The following PCDHGB6 variants were observed in gnomAD, a reference collection of about 807,000 sequenced individuals.
PCDHGB6 encodes protocadherin gamma subfamily B, 6, also known as protocadherin gamma-B6.
In PCDHGB6, 51 loss-of-function variants were observed where a neutral mutation model predicts 59.1. That is an observed-to-expected ratio of 0.86 (90% CI 0.69 to 1.09). PCDHGB6 has a LOEUF of 1.09. Ranked by LOEUF, PCDHGB6 falls within the 50% of genes least tolerant of loss-of-function variation. PCDHGB6 has a pLI of 0.00. For missense variants in PCDHGB6, 1,148 were observed against 1,205.1 expected, an observed-to-expected ratio of 0.95 and a Z score of 0.70; for synonymous variants, 466 against 495.1, an observed-to-expected ratio of 0.94 and a Z score of 0.78.
chr5:141,478,259 T>A lies in PCDHGB6; in HGVS notation c.2419-16548T>A, dbSNP rs534973741. ...GGTCACAGTGTTCGGAGTAATCATA[T>A]TCAAAGTTTACAAGTGGAAGCAGTC... On this transcript the variant is annotated intron_variant, in intron 1 of 3. Transcript: ENST00000520790. 3.2e-5 allele frequency: 52 copies of A among 1,614,064 alleles called. No individual in the cohort carries two copies. The highest frequency in any genetic ancestry group is 4.4e-5 in the Non-Finnish European group (52 of 1,180,048).
intron 1 of PCDHGB6, among the ~76,000 whole-genome samples, chr5:141,470,152 T>C (rs546219809): frequency 2.6e-5 from 4 of 152,308 alleles, no homozygotes; most frequent in African/African-American, 9.6e-5. Context: ...ATAGATCATC[T>C]TATCAAATCA....
Position 141,485,243 on chromosome 5 carries a change from C to A in PCDHGB6, c.2419-9564C>A. ...TACCCTTTTGTTCCTCTTTTACCACCTGGGTTACGTTTGTGGGCAGATCCG... is the reference window on the plus strand; with the variant it reads ...TACCCTTTTGTTCCTCTTTTACCACATGGGTTACGTTTGTGGGCAGATCCG... On this transcript the variant is annotated intron_variant, in intron 1 of 3. Transcript: ENST00000520790. This position sits in a 1 kb window ranked among gnomAD's most constrained non-coding sequence, Gnocchi z 5.7. 1 of 1,614,180 alleles carries A rather than the reference C, an allele frequency of 6.2e-7. No homozygotes were observed. The highest frequency in any genetic ancestry group is 8.5e-7 in the Non-Finnish European group (1 of 1,180,000).
Position 141,491,248 on chromosome 5 carries a change from G to T in PCDHGB6, c.2419-3559G>T, listed in dbSNP as rs757712577. On this transcript the variant is annotated intron_variant, in intron 1 of 3. Transcript: ENST00000520790. The surrounding 1 kb of genome is among the most constrained non-coding windows in gnomAD (Gnocchi z 6.9). ...AGTGCTGCTGGTTCTGGAGGATGAG[G>T]ACCCTGAGGAAATGCCCAAATCCAG... 3 of 1,614,170 alleles carry T rather than the reference G, an allele frequency of 1.9e-6. No individual in the cohort carries two copies. Among genetic ancestry groups the T allele is most frequent in the Non-Finnish European group, 2.5e-6 (3 of 1,180,018 alleles).
chr5:141,433,164 A>G, intron 1 of PCDHGB6: 3 of 1,613,600 alleles, frequency 1.9e-6, no homozygotes, highest in Non-Finnish European at 2.5e-6. Context: ...TTTTCTAAAG[A>G]CAGTCATGGG....
intron 1 of PCDHGB6, chr5:141,414,536 C>T (rs2095757034): frequency 6.2e-7 from 1 of 1,613,976 alleles, no homozygotes; most frequent in African/African-American, 1.3e-5. Context: ...GACAACCCAC[C>T]TACCTTCTCT....
intron 1 of PCDHGB6, among the ~76,000 whole-genome samples, chr5:141,459,724 T>C (rs1440632046): frequency 6.6e-6 from 1 of 152,250 alleles, no homozygotes; most frequent in Non-Finnish European, 1.5e-5. Context: ...TGCTTCCTAT[T>C]GTCAATTTTT....
At position 141,415,039 on chromosome 5, in the gene PCDHGB6, G is replaced by T. The variant is rs761101620; in HGVS notation, c.2418+4419G>T. ...CAAGGCCAGCGAGCCGGGACTCTTC[G>T]CGGTGGGGGAGCACACGGGCGAGGT... On this transcript the variant is annotated intron_variant, in intron 1 of 3. Transcript: ENST00000520790. The T allele has an allele frequency of 3.1e-6, 5 of 1,613,342 alleles. No homozygotes were observed. The highest frequency in any genetic ancestry group is 3.4e-6 in the Non-Finnish European group (4 of 1,179,934).
At chr5:141,484,315 C>T (rs1172379949) in intron 1 of PCDHGB6, among the ~76,000 whole-genome samples, 2 of 152,326 alleles carry the variant, frequency 1.3e-5, no homozygotes, top group African/African-American at 4.8e-5. Context: ...ACCCCGCTTC[C>T]ATACTGTCCT....
intron 1 of PCDHGB6, among the ~76,000 whole-genome samples, chr5:141,434,054 C>T (rs1241950753): frequency 6.6e-6 from 1 of 152,094 alleles, no homozygotes; most frequent in Non-Finnish European, 1.5e-5. Flanking sequence ...ATTCAATGGC[C>T]TGTAATCTGT....
intron 1 of PCDHGB6, chr5:141,419,186 A>G: frequency 1.2e-6 from 2 of 1,613,940 alleles, no homozygotes; most frequent in Non-Finnish European, 1.7e-6. Context: ...CCTGCACATT[A>G]CTGACGTCAA....
chr5:141,478,322 C>A, intron 1 of PCDHGB6: 3 of 1,613,976 alleles, frequency 1.9e-6, no homozygotes, highest in Non-Finnish European at 2.5e-6. Context: ...CTCACTGTAC[C>A]GAACACCAGG....
chr5:141,477,010 C>G lies in PCDHGB6; in HGVS notation c.2419-17797C>G. On this transcript the variant is annotated intron_variant, in intron 1 of 3. Coordinates refer to ENST00000520790, the MANE Select transcript of PCDHGB6 (RefSeq NM_018926.3). This position sits in a 1 kb window ranked among gnomAD's most constrained non-coding sequence, Gnocchi z 4.9. ...GCGTGCGGCAACTATTCGCCTTAGA[C>G]CTTGTAACCGGGATGCTGACAATCA... 4 of 1,614,260 alleles carry G rather than the reference C, an allele frequency of 2.5e-6. No homozygotes were observed. Among genetic ancestry groups the G allele is most frequent in the Non-Finnish European group, 2.5e-6 (3 of 1,180,052 alleles).
intron 1 of PCDHGB6, among the ~76,000 whole-genome samples, chr5:141,474,075 C>T (rs2099339724): frequency 6.6e-6 from 1 of 151,902 alleles, no homozygotes; most frequent in African/African-American, 2.4e-5. Flanking sequence ...GCCTCAGAAA[C>T]AAAAACCAAA....
intron 1 of PCDHGB6, among the ~76,000 whole-genome samples, chr5:141,463,239 C>G (rs1012919667): frequency 1.3e-5 from 2 of 151,950 alleles, no homozygotes; most frequent in African/African-American, 4.8e-5. Context: ...CTTTGTGTAG[C>G]TCCATTCTCT....
At chr5:141,415,055 C>G in intron 1 of PCDHGB6, 2 of 1,613,402 alleles carry the variant, frequency 1.2e-6, no homozygotes, top group East Asian at 2.2e-5. Flanking sequence ...GGGGAGCACA[C>G]GGGCGAGGTG....
chr5:141,432,934 G>A lies in PCDHGB6; in HGVS notation c.2418+22314G>A. The stretch of plus-strand genomic sequence containing the variant: ...GGCGCTGGCACAAGTCACGCCTGCT[G>A]CAGGCTTCAGGAGGCGGCTTGACAG... On this transcript the variant is annotated intron_variant, in intron 1 of 3. Transcript: ENST00000520790. This position sits in a 1 kb window ranked among gnomAD's most constrained non-coding sequence, Gnocchi z 6.0. 1.9e-6 allele frequency: 3 copies of A among 1,614,196 alleles called. No individual in the cohort carries two copies. Among genetic ancestry groups the A allele is most frequent in the Non-Finnish European group, 2.5e-6 (3 of 1,180,040 alleles).
rs980172909 is a variant in PCDHGB6, at chr5:141,485,917, G to A, written c.2419-8890G>A. On this transcript the variant is annotated intron_variant, in intron 1 of 3. Transcript: ENST00000520790. The surrounding 1 kb of genome is among the most constrained non-coding windows in gnomAD (Gnocchi z 5.7). ...CAGCCTTCCAGCAATCCAGCTACAGGATTAGTGTGTTGGAGAGCGCACCAG... is the reference window on the plus strand; with the variant it reads ...CAGCCTTCCAGCAATCCAGCTACAGAATTAGTGTGTTGGAGAGCGCACCAG... The A allele has an allele frequency of 2.6e-5, 42 of 1,614,078 alleles. No homozygotes were observed. Among genetic ancestry groups the A allele is most frequent in the Non-Finnish European group, 3.5e-5 (41 of 1,180,050 alleles).
At chr5:141,466,457 A>G (rs969935541) in intron 1 of PCDHGB6, among the ~76,000 whole-genome samples, 12 of 152,146 alleles carry the variant, frequency 7.9e-5, no homozygotes, top group Admixed American at 6.6e-4. Context: ...GGTGTTGGCT[A>G]TTGTTTCTGC....
At chr5:141,468,191 G>A (rs1420885521) in intron 1 of PCDHGB6, among the ~76,000 whole-genome samples, 1 of 151,860 alleles carries the variant, frequency 6.6e-6, no homozygotes, top group African/African-American at 2.4e-5. Flanking sequence ...TGGGCATGGT[G>A]GCGGGTGCCT....
Sources: allele counts gnomAD v4.1 joint callset (sites outside exome capture counted in the v4.1 genomes callset), GRCh38; gene constraint gnomAD v4.1.1; non-coding constraint Gnocchi (gnomAD v3.1); transcripts MANE v1.5; gene names NCBI Gene and HGNC (gene_info 2026-07-23, HGNC 2026-07-21).